Variants in ADGRL3 observed in about 807,000 individuals in gnomAD.
ADGRL3 encodes the protein adhesion G protein-coupled receptor L3, also known as calcium-independent alpha-latrotoxin receptor 3.
Under a neutral mutation model 153.5 loss-of-function variants are expected in ADGRL3, and 62 were observed. The ratio of observed to expected loss-of-function variants is 0.40; its 90% CI spans 0.33 to 0.50. The LOEUF (loss-of-function observed/expected upper bound fraction) is 0.50, where lower values mean the gene tolerates loss of function less well. ADGRL3 is among the 20% of genes least tolerant of loss of function. The pLI is 0.47. For missense variants in ADGRL3, 1,641 were observed against 1,859.4 expected, an observed-to-expected ratio of 0.88 and a Z score of 2.16; for synonymous variants, 710 against 672.5, an observed-to-expected ratio of 1.06 and a Z score of -0.86.
intron 21 of ADGRL3, among the ~76,000 whole-genome samples, chr4:62,010,769 T>A (rs186350024): frequency 1.3e-5 from 2 of 152,256 alleles, no homozygotes; most frequent in East Asian, 3.9e-4. Flanking sequence ...CTCACTCTAA[T>A]ATTTAGAATT....
At position 61,320,266 on chromosome 4, in the gene ADGRL3, T is replaced by G. The variant is rs537802848; in HGVS notation, c.-239-62858T>G. ...GTCCAGGCCGACTAATGTACCTTCT[T>G]ATATGCAAATATACCTAAGGATCCT... On this transcript the variant is annotated intron_variant, in intron 1 of 26. Transcript: ENST00000683033. Among the ~76,000 whole-genome samples the G allele has an allele frequency of 5.3e-5, 8 of 152,316 alleles. No individual in the cohort carries two copies. The South Asian group carries it at 8.3e-4, about 16-fold the overall frequency.
At chr4:61,277,597 G>GA (rs1016188589) in intron 1 of ADGRL3, among the ~76,000 whole-genome samples, 1 of 151,884 alleles carries the variant, frequency 6.6e-6, no homozygotes, top group Non-Finnish European at 1.5e-5. Flanking sequence ...GATATAGTGG[G>GA]AAAAAAATGC....
chr4:61,547,599 T>TC (rs775387892), intron 4 of ADGRL3, among the ~76,000 whole-genome samples: 8 of 151,916 alleles, frequency 5.3e-5, no homozygotes, highest in Middle Eastern at 3.4e-3. Flanking sequence ...TCTCATTCTT[T>TC]TTATGGCTGC....
At chr4:61,747,804 G>A (rs1157778353) in intron 8 of ADGRL3, among the ~76,000 whole-genome samples, 2 of 151,466 alleles carry the variant, frequency 1.3e-5, no homozygotes, top group Non-Finnish European at 2.9e-5. Flanking sequence ...GCACAAGACA[G>A]GGATGCCCTC....
intron 2 of ADGRL3, among the ~76,000 whole-genome samples, chr4:61,455,197 T>A (rs888865041): frequency 6.6e-6 from 1 of 152,174 alleles, no homozygotes; most frequent in Non-Finnish European, 1.5e-5. Context: ...ATTTCTCAAC[T>A]GAGCATGACT....
intron 19 of ADGRL3, among the ~76,000 whole-genome samples, chr4:61,989,344 C>G (rs1389004740): frequency 6.6e-6 from 1 of 152,012 alleles, no homozygotes; most frequent in African/African-American, 2.4e-5. Context: ...TATAACACTT[C>G]ATTGACATAA....
Position 61,579,197 on chromosome 4 carries a change from T to C in ADGRL3, c.260-8030T>C, listed in dbSNP as rs186620292. ...ACACCCATGTCTTATGTGTAATAAT[T>C]CCCAGCATCCACGTTGTAAGGGATC... is the stretch of plus-strand genomic sequence containing the variant. On this transcript the variant is annotated intron_variant, in intron 4 of 26. Coordinates refer to ENST00000683033, the MANE Select transcript of ADGRL3 (RefSeq NM_001387552.1). Among the ~76,000 whole-genome samples, 3 of 152,184 alleles carry C rather than the reference T, an allele frequency of 2.0e-5. No individual in the cohort carries two copies. The East Asian group carries it at 5.8e-4, about 29-fold the overall frequency.
At chr4:61,405,339 A>C (rs2096981279) in intron 2 of ADGRL3, among the ~76,000 whole-genome samples, 1 of 152,040 alleles carries the variant, frequency 6.6e-6, no homozygotes, top group African/African-American at 2.4e-5. Flanking sequence ...ACTATACGTA[A>C]AGGACACAGT....
At chr4:61,352,426 T>C (rs1159748112) in intron 1 of ADGRL3, among the ~76,000 whole-genome samples, 1 of 151,964 alleles carries the variant, frequency 6.6e-6, no homozygotes, top group East Asian at 1.9e-4. Flanking sequence ...TTTCACTCTG[T>C]CACCCAAGCT....
intron 2 of ADGRL3, among the ~76,000 whole-genome samples, chr4:61,474,959 G>A (rs1027879074): frequency 9.9e-5 from 15 of 152,062 alleles, no homozygotes; most frequent in African/African-American, 3.6e-4. Context: ...CAATTGCACA[G>A]TTACATTTTT....
At chr4:61,383,363 G>A (rs1042346490) in intron 2 of ADGRL3, among the ~76,000 whole-genome samples, 174 bp downstream of exon 2, 3 of 151,272 alleles carry the variant, frequency 2.0e-5, no homozygotes, top group African/African-American at 7.3e-5. Context: ...GCCATTTCTT[G>A]TTATACATTT....
At chr4:61,370,426 T>G (rs2096496977) in intron 1 of ADGRL3, among the ~76,000 whole-genome samples, 1 of 151,868 alleles carries the variant, frequency 6.6e-6, no homozygotes, top group Non-Finnish European at 1.5e-5. Context: ...TCTGGTATGT[T>G]GTGTCTTTGT....
intron 1 of ADGRL3, among the ~76,000 whole-genome samples, chr4:61,259,387 C>T (rs1398233560): frequency 6.6e-6 from 1 of 151,738 alleles, no homozygotes; most frequent in Non-Finnish European, 1.5e-5. Context: ...TGCGCCACTG[C>T]ACTCCAGCCT....
chr4:61,688,825 G>A lies in ADGRL3; in HGVS notation c.583+11890G>A, dbSNP rs186623082. On this transcript the variant is annotated intron_variant, in intron 6 of 26. Transcript: ENST00000683033. ...ACTGCTGGATTTTATGTCCCACTCT[G>A]AACCACACAGAGCTAATTACAAAGG... Among the ~76,000 whole-genome samples, 323 of 152,234 alleles carry A rather than the reference G, an allele frequency of 2.1e-3. 3 individuals are homozygous for A. The highest frequency in any genetic ancestry group is 7.2e-3 in the African/African-American group (300 of 41,552).
intron 1 of ADGRL3, among the ~76,000 whole-genome samples, chr4:61,325,753 A>G (rs1021404238): frequency 1.3e-5 from 2 of 152,198 alleles, no homozygotes; most frequent in South Asian, 2.1e-4. Context: ...ATAAATTAGT[A>G]GAGTAAAAAT....
chr4:61,424,841 T>C (rs2097257267), intron 2 of ADGRL3, among the ~76,000 whole-genome samples: 1 of 151,960 alleles, frequency 6.6e-6, no homozygotes, highest in South Asian at 2.1e-4. Flanking sequence ...CCAGGGATGG[T>C]CAAAGCTAAG....
intron 4 of ADGRL3, among the ~76,000 whole-genome samples, chr4:61,566,774 T>A (rs2098817997): frequency 6.6e-6 from 1 of 152,158 alleles, no homozygotes; most frequent in African/African-American, 2.4e-5. Flanking sequence ...TGTACACATT[T>A]ACTATTTTTA....
intron 1 of ADGRL3, among the ~76,000 whole-genome samples, chr4:61,237,296 C>G (rs1267733432): frequency 1.3e-5 from 2 of 152,086 alleles, no homozygotes; most frequent in Non-Finnish European, 2.9e-5. Context: ...CATATTTTAT[C>G]CATACATAAG....
intron 1 of ADGRL3, among the ~76,000 whole-genome samples, chr4:61,320,069 C>G (rs1361668199): frequency 6.6e-6 from 1 of 152,150 alleles, no homozygotes; most frequent in African/African-American, 2.4e-5. Flanking sequence ...AGCTCTCTTT[C>G]TCCTCCATAT....
Sources: allele counts gnomAD v4.1 joint callset (sites outside exome capture counted in the v4.1 genomes callset), GRCh38; gene constraint gnomAD v4.1.1; transcripts MANE v1.5; gene names NCBI Gene and HGNC (gene_info 2026-07-23, HGNC 2026-07-21).